WWC1: variants seen among roughly 807,000 people sequenced by gnomAD.
WWC1 encodes the protein protein KIBRA.
In WWC1, 55 loss-of-function variants were observed where a neutral mutation model predicts 138.4. The observed-to-expected ratio is 0.40, with a 90% CI of 0.32 to 0.50. WWC1 has a LOEUF of 0.50. WWC1 is among the 20% of genes least tolerant of loss of function. The pLI is 0.72. For missense variants in WWC1, 1,226 were observed against 1,420.4 expected (o/e 0.86, Z 2.20); for synonymous variants, 524 against 564.9 (o/e 0.93, Z 1.03).
intron 1 of WWC1, among the ~76,000 whole-genome samples, chr5:168,368,437 A>C (rs904683584): frequency 6.6e-5 from 10 of 152,228 alleles, no homozygotes; most frequent in African/African-American, 2.4e-4. Flanking sequence ...CTATACGCAG[A>C]AACAGGGGAG....
chr5:168,462,036 C>G (rs1214167599), intron 20 of WWC1, among the ~76,000 whole-genome samples: 6 of 143,688 alleles, frequency 4.2e-5, no homozygotes, highest in South Asian at 2.2e-4. Context: ...AGCTGGGCAA[C>G]AAGAGTGAAA....
At chr5:168,300,369 G>C (rs1769951996) in intron 1 of WWC1, among the ~76,000 whole-genome samples, 2 of 152,092 alleles carry the variant, frequency 1.3e-5, no homozygotes, top group South Asian at 4.2e-4. Flanking sequence ...TGGGGAAGAG[G>C]GGGTGGAGCA....
chr5:168,310,531 C>T (rs940711092), intron 1 of WWC1, among the ~76,000 whole-genome samples: 2 of 151,560 alleles, frequency 1.3e-5, no homozygotes, highest in African/African-American at 2.4e-5. Flanking sequence ...CAAACAAACA[C>T]CATTTAAGAG....
At chr5:168,314,515 C>T (rs1216128607) in intron 1 of WWC1, among the ~76,000 whole-genome samples, 2 of 151,856 alleles carry the variant, frequency 1.3e-5, no homozygotes, top group African/African-American at 2.4e-5. Context: ...TGCAGTGAGC[C>T]GAGATTGCGC....
Position 168,415,815 on chromosome 5 carries a change from CGTGTGTGTGTGT to C in WWC1, c.1184+1251_1184+1262del, listed in dbSNP as rs56223676. Reference sequence around the variant, plus strand: ...TGTGTGTGTGGGGGGGGGGGGGGGGCGTGTGTGTGTGTGTGTGTGTGTGTGTGTGTGTGTGTG... The same window carrying C: ...TGTGTGTGTGGGGGGGGGGGGGGGGCGTGTGTGTGTGTGTGTGTGTGTGTG... On this transcript the variant is annotated intron_variant, in intron 9 of 22. Transcript: ENST00000265293. The C allele has an allele frequency of 8.1e-3, 53 of 6,560 alleles. 8 individuals carry two copies. The highest frequency in any genetic ancestry group is 0.039 in the African/African-American group (49 of 1,244). 0.4% of individuals were successfully genotyped at this position (6,560 alleles called of 1,614,324 possible). A position where few individuals can be genotyped will look rare whatever the true frequency, so the allele number is the denominator to read the frequency against.
intron 1 of WWC1, among the ~76,000 whole-genome samples, chr5:168,367,044 C>T (rs1400320915): frequency 5.3e-5 from 8 of 151,936 alleles, no homozygotes; most frequent in African/African-American, 1.7e-4. Flanking sequence ...GTGATCCACC[C>T]GCCTCAGCCT....
intron 17 of WWC1, among the ~76,000 whole-genome samples, chr5:168,452,298 A>T (rs2337218): frequency 0.75 from 113,714 of 152,102 alleles, 42,621 homozygotes; most frequent in Admixed American, 0.77. Flanking sequence ...CCAAAATTCA[A>T]ACATTGAAGC....
At chr5:168,343,753 C>T (rs759493502) in intron 1 of WWC1, among the ~76,000 whole-genome samples, 2 of 148,880 alleles carry the variant, frequency 1.3e-5, no homozygotes, top group Non-Finnish European at 3.0e-5. Context: ...ACCCAGGAGG[C>T]GGAGGTTGCA....
At chr5:168,300,420 G>T (rs762584119) in intron 1 of WWC1, among the ~76,000 whole-genome samples, 2 of 151,732 alleles carry the variant, frequency 1.3e-5, no homozygotes, top group Non-Finnish European at 2.9e-5. Flanking sequence ...AAGTGTGGTG[G>T]GTCACATGCC....
intron 20 of WWC1, 105 bp from the exon 21 acceptor site, chr5:168,464,624 G>A: frequency 6.7e-7 from 1 of 1,503,104 alleles, no homozygotes; most frequent in Non-Finnish European, 8.9e-7. Flanking sequence ...CATTCGGAAG[G>A]AGTGGATGCC....
Position 168,422,071 on chromosome 5 carries a change from G to A in WWC1, c.1248G>A (p.Val416=), listed in dbSNP as rs149154519. The A allele has an allele frequency of 4.7e-4, 751 of 1,612,954 alleles. 3 individuals carry two copies. In the African/African-American group the frequency reaches 8.8e-3, roughly 19 times the overall value. ...AACTGGAGGAAGCCACCCGGCAGGT[G>A]GCAACTCTGCACTCCCAGCTGAAAA... ...VRELEEATRQ[V]ATLHSQLKSL... is the part of the protein sequence containing the mutation. The change falls in exon 10 of 23, where the codon GTG becomes GTA. Residue 416 remains valine (V), a synonymous_variant. Transcript: ENST00000265293.
At chr5:168,397,845 T>C (rs77703070) in intron 4 of WWC1, 45 bp downstream of exon 4, 16,794 of 1,608,290 alleles carry the variant, frequency 0.01, 200 homozygotes, top group East Asian at 0.023. Context: ...TTGGGGCCAC[T>C]GAGGTCTTAG....
At chr5:168,462,506 A>G (rs1756906541) in intron 20 of WWC1, among the ~76,000 whole-genome samples, 1 of 152,186 alleles carries the variant, frequency 6.6e-6, no homozygotes, top group African/African-American at 2.4e-5. Flanking sequence ...TGAAAACTGC[A>G]TTTTAACAAA....
chr5:168,408,450 G>C lies in WWC1; in HGVS notation c.721-57G>C. 3 of 1,588,866 alleles carry C rather than the reference G, an allele frequency of 1.9e-6. No homozygotes were observed. In the South Asian group the frequency reaches 3.4e-5, roughly 18 times the overall value. On this transcript the variant is annotated intron_variant, in intron 6 of 22. Transcript: ENST00000265293. ...AGAGGGAAGCACAGGGAGCGTGGCA[G>C]ACCCAGAGCTCCCTCCTGGGAAGGC...
chr5:168,430,055 C>T (rs564487243), intron 13 of WWC1, 82 bp from the exon 14 acceptor site: 2 of 1,159,284 alleles, frequency 1.7e-6, no homozygotes, highest in African/African-American at 3.0e-5. Context: ...ACAGCCACGT[C>T]CTGTGACTTT....
intron 17 of WWC1, among the ~76,000 whole-genome samples, chr5:168,452,046 C>G (rs1370721189): frequency 6.6e-6 from 1 of 151,764 alleles, no homozygotes; most frequent in East Asian, 1.9e-4. Flanking sequence ...GCTGGGATTA[C>G]AGGTGCCCAC....
chr5:168,415,260 A>C (rs1780516903), intron 9 of WWC1: 2 of 152,214 alleles, frequency 1.3e-5, no homozygotes, highest in African/African-American at 4.8e-5. Flanking sequence ...ATGGGAGTGC[A>C]GGCCTCGGGC....
intron 1 of WWC1, among the ~76,000 whole-genome samples, chr5:168,368,680 G>A (rs1340130359): frequency 6.6e-6 from 1 of 152,166 alleles, no homozygotes; most frequent in Non-Finnish European, 1.5e-5. Flanking sequence ...TTCCTTCAGA[G>A]CCCCTTTCAA....
At chr5:168,321,829 G>A (rs1772142373) in intron 1 of WWC1, among the ~76,000 whole-genome samples, 3 of 152,192 alleles carry the variant, frequency 2.0e-5, no homozygotes, top group Admixed American at 1.3e-4. Flanking sequence ...GAGCCACGGT[G>A]CCCAGCCGGT....
Sources: gnomAD v4.1 joint callset for allele counts (sites outside exome capture counted in the v4.1 genomes callset) on GRCh38, gnomAD v4.1.1 for gene constraint, MANE v1.5 for transcripts, NCBI Gene and HGNC (gene_info 2026-07-23, HGNC 2026-07-21) for gene names.